PTK2: variants seen among roughly 807,000 people sequenced by gnomAD.
PTK2 encodes the protein focal adhesion kinase 1.
Under a neutral mutation model 150.1 loss-of-function variants are expected in PTK2, and 45 were observed. The observed-to-expected ratio is 0.30, with a 90% CI of 0.24 to 0.38. The LOEUF (loss-of-function observed/expected upper bound fraction) is 0.38. PTK2 is among the 10% of genes least tolerant of loss of function. The probability of loss-of-function intolerance (pLI) is 1.00; values close to 1 mark genes in which losing one functional copy is unlikely to be tolerated. For synonymous variants in PTK2, 432 were observed against 449.2 expected, an observed-to-expected ratio of 0.96 and a Z score of 0.48; for missense variants, 919 against 1,307.3, an observed-to-expected ratio of 0.70 and a Z score of 4.58.
chr8:140,938,255 C>A (rs141271567), intron 1 of PTK2, among the ~76,000 whole-genome samples: 1 of 152,178 alleles, frequency 6.6e-6, no homozygotes, highest in African/African-American at 2.4e-5. Context: ...GACCCAGCCA[C>A]GTGCAGGTTT....
At chr8:140,975,335 T>G (rs572324454) in intron 1 of PTK2, among the ~76,000 whole-genome samples, 1 of 152,306 alleles carries the variant, frequency 6.6e-6, no homozygotes, top group African/African-American at 2.4e-5. Context: ...TATATCAGAA[T>G]CAAGTGCAAA....
chr8:140,876,772 A>C (rs949648055), intron 4 of PTK2, among the ~76,000 whole-genome samples: 1 of 152,054 alleles, frequency 6.6e-6, no homozygotes, highest in Non-Finnish European at 1.5e-5. Context: ...CTTGTTTACT[A>C]ATTTTTCAGC....
rs181433692 is a variant in PTK2, at chr8:140,713,291, T to C, written c.2142+4307A>G. 4.5e-3 allele frequency among the ~76,000 whole-genome samples: 685 copies of C among 152,278 alleles called. 4 individuals carry two copies. The highest frequency in any genetic ancestry group is 0.016 in the African/African-American group (648 of 41,562). On this transcript the variant is annotated intron_variant, in intron 23 of 31. Coordinates refer to ENST00000522684, the Ensembl canonical transcript of PTK2. ...CCTTTTGTTTTTTGAGACAGAGTCTTGCTCTGTCTCCCAGGCTGGAGTGCA... is the reference window on the plus strand; with the variant it reads ...CCTTTTGTTTTTTGAGACAGAGTCTCGCTCTGTCTCCCAGGCTGGAGTGCA...
At chr8:140,846,372 T>G in intron 6 of PTK2, 50 bp from the exon 7 acceptor site, 1 of 1,556,294 alleles carries the variant, frequency 6.4e-7, no homozygotes, top group East Asian at 2.2e-5. Context: ...GGAATGTTTG[T>G]GTTGTTAAGT....
chr8:140,676,723 T>A (rs1428612470), intron 27 of PTK2, among the ~76,000 whole-genome samples: 1 of 132,858 alleles, frequency 7.5e-6, no homozygotes, highest in Admixed American at 8.1e-5. Flanking sequence ...GTCAGGAGGT[T>A]GAGACCATCC....
At chr8:140,723,987 T>C (rs1028953854) in intron 22 of PTK2, among the ~76,000 whole-genome samples, 2 of 152,250 alleles carry the variant, frequency 1.3e-5, no homozygotes, top group Non-Finnish European at 2.9e-5. Flanking sequence ...TACAACTTGA[T>C]GGTGAGCAAG....
intron 18 of PTK2, 47 bp downstream of exon 21, chr8:140,746,713 G>T: frequency 2.1e-6 from 3 of 1,399,910 alleles, no homozygotes; most frequent in Non-Finnish European, 3.0e-6. Flanking sequence ...TTAAGCAAAA[G>T]ATATCAAACG....
At chr8:140,992,213 A>C (rs1248839901) in intron 1 of PTK2, among the ~76,000 whole-genome samples, 1 of 149,344 alleles carries the variant, frequency 6.7e-6, no homozygotes, top group African/African-American at 2.5e-5. Context: ...AATTGCTTGA[A>C]CCCGAGAGGC....
At chr8:140,982,122 C>A (rs1051281782) in intron 1 of PTK2, among the ~76,000 whole-genome samples, 6 of 146,960 alleles carry the variant, frequency 4.1e-5, no homozygotes, top group Non-Finnish European at 6.0e-5. Context: ...CTATCAGGAA[C>A]ATTAAACCAA....
chr8:140,931,668 C>T (rs1030734666), intron 1 of PTK2, among the ~76,000 whole-genome samples: 1 of 152,058 alleles, frequency 6.6e-6, no homozygotes, highest in African/African-American at 2.4e-5. Flanking sequence ...GGCGTGATGA[C>T]TCATGCCTGT....
At chr8:140,846,779 A>G in intron 5 of PTK2, 101 bp from the exon 6 acceptor site, 1 of 760,694 alleles carries the variant, frequency 1.3e-6, no homozygotes, top group South Asian at 1.9e-5. Flanking sequence ...TATAGTTTAC[A>G]TTATGTCGGT....
intron 4 of PTK2, among the ~76,000 whole-genome samples, chr8:140,877,619 G>A (rs1162782564): frequency 6.6e-6 from 1 of 151,944 alleles, no homozygotes; most frequent in Non-Finnish European, 1.5e-5. Context: ...CAGAGTCCCT[G>A]GCTCAGCCAC....
chr8:140,999,731 C>T (rs756982005), intron 1 of PTK2, among the ~76,000 whole-genome samples: 2 of 152,122 alleles, frequency 1.3e-5, no homozygotes, highest in South Asian at 4.1e-4. Context: ...ATTTTCATTA[C>T]CCGTTTCCCA....
chr8:140,985,121 T>C (rs1269054426), intron 1 of PTK2, among the ~76,000 whole-genome samples: 1 of 152,086 alleles, frequency 6.6e-6, no homozygotes, highest in Non-Finnish European at 1.5e-5. Context: ...CATCTTCTTT[T>C]TTTATTTTTT....
chr8:140,743,135 T>C (rs964203895), intron 20 of PTK2, 95 bp downstream of exon 23: 5 of 803,854 alleles, frequency 6.2e-6, no homozygotes, highest in South Asian at 6.1e-5. Context: ...TTTATATCTC[T>C]GTCAAAGATC....
At chr8:140,886,410 TAAGG>T (rs2100152320) in intron 3 of PTK2, among the ~76,000 whole-genome samples, 1 of 152,134 alleles carries the variant, frequency 6.6e-6, no homozygotes, top group Non-Finnish European at 1.5e-5. Flanking sequence ...TGGGTAGCAC[TAAGG>T]TTGCAAATCT....
chr8:140,923,458 AG>A (rs1237904023), intron 2 of PTK2, among the ~76,000 whole-genome samples: 3 of 152,252 alleles, frequency 2.0e-5, no homozygotes, highest in African/African-American at 7.2e-5. Context: ...AACTTGCCCA[AG>A]GTCAAAGAGC....
intron 24 of PTK2, among the ~76,000 whole-genome samples, chr8:140,703,258 G>A (rs1250606080): frequency 2.0e-5 from 3 of 151,232 alleles, no homozygotes; most frequent in Non-Finnish European, 4.4e-5. Flanking sequence ...GAGAGACTCC[G>A]TCTCAAAAAA....
chr8:140,818,144 C>G (rs995416013), intron 10 of PTK2, 133 bp downstream of exon 10: 2 of 767,942 alleles, frequency 2.6e-6, no homozygotes, highest in Non-Finnish European at 2.2e-6. Context: ...GTCCCCCACT[C>G]CACTGAACAA....
Sources: allele counts gnomAD v4.1 joint callset (sites outside exome capture counted in the v4.1 genomes callset), GRCh38; gene constraint gnomAD v4.1.1; transcripts MANE v1.5; gene names NCBI Gene and HGNC (gene_info 2026-07-23, HGNC 2026-07-21).